Variants in PDE2A observed in about 807,000 individuals in gnomAD.
PDE2A encodes the protein cGMP-dependent 3',5'-cyclic phosphodiesterase.
In PDE2A, 53 loss-of-function variants were observed where a neutral mutation model predicts 133.6. The ratio of observed to expected loss-of-function variants is 0.40; its 90% CI spans 0.32 to 0.50. PDE2A has a LOEUF of 0.50. Ranked by LOEUF, PDE2A falls within the 20% of genes least tolerant of loss-of-function variation. PDE2A has a pLI of 0.73. For synonymous variants in PDE2A, 491 were observed against 490.2 expected, an observed-to-expected ratio of 1.00 and a Z score of -0.02; for missense variants, 796 against 1,232.4, an observed-to-expected ratio of 0.65 and a Z score of 5.30.
At chr11:72,661,500 T>C (rs1228992314) in intron 1 of PDE2A, among the ~76,000 whole-genome samples, 2 of 152,026 alleles carry the variant, frequency 1.3e-5, no homozygotes, top group African/African-American at 4.8e-5. Context: ...ATCCCAAAAC[T>C]TGACAGAAAC....
intron 2 of PDE2A, among the ~76,000 whole-genome samples, chr11:72,615,901 G>C (rs951967489): frequency 5.3e-5 from 8 of 152,192 alleles, no homozygotes; most frequent in African/African-American, 1.4e-4. Context: ...CCCCAAGGGT[G>C]TGCAAGCAAG....
intron 12 of PDE2A, 21 bp from the exon 13 acceptor site, chr11:72,588,935 A>G (rs1417495921): frequency 6.3e-7 from 1 of 1,590,108 alleles, no homozygotes; most frequent in Non-Finnish European, 8.6e-7. Context: ...GAGGCAAGTC[A>G]GGGCAGGGAA....
chr11:72,585,297 G>A (rs75861523), intron 16 of PDE2A, 74 bp downstream of exon 16: 15,718 of 1,231,558 alleles, frequency 0.013, 128 homozygotes, highest in Middle Eastern at 0.036. Context: ...GGAAGTGGGT[G>A]GGGCAGGAAA....
chr11:72,608,581 G>C (rs1857068871), intron 3 of PDE2A, 81 bp downstream of exon 3: 1 of 734,122 alleles, frequency 1.4e-6, no homozygotes, highest in African/African-American at 1.7e-5. Context: ...TTCCTCCTTG[G>C]CCCTGAGTGA....
chr11:72,648,818 T>C (rs1291968822), intron 1 of PDE2A, among the ~76,000 whole-genome samples: 8 of 152,092 alleles, frequency 5.3e-5, no homozygotes, highest in Non-Finnish European at 7.4e-5. Flanking sequence ...CTATGCACAA[T>C]TGGAGTCTTT....
chr11:72,595,677 C>T (rs1856447318), intron 6 of PDE2A, among the ~76,000 whole-genome samples: 1 of 152,098 alleles, frequency 6.6e-6, no homozygotes, highest in African/African-American at 2.4e-5. Flanking sequence ...TCTGTCCATG[C>T]CCCCAAGCCT....
intron 2 of PDE2A, among the ~76,000 whole-genome samples, chr11:72,632,776 C>T (rs1377536021): frequency 2.0e-5 from 3 of 152,106 alleles, no homozygotes; most frequent in Non-Finnish European, 4.4e-5. Flanking sequence ...CAGCTCCCCC[C>T]TCACACCTCC....
At chr11:72,660,902 A>AGGAGGGAACTGGG (rs1208977248) in intron 1 of PDE2A, among the ~76,000 whole-genome samples, 1 of 152,008 alleles carries the variant, frequency 6.6e-6, no homozygotes, top group Non-Finnish European at 1.5e-5. Flanking sequence ...AGCTCTGGGA[A>AGGAGGGAACTGGG]GGAGGGAACT....
chr11:72,602,859 G>T (rs571621981), intron 4 of PDE2A, among the ~76,000 whole-genome samples: 1 of 152,282 alleles, frequency 6.6e-6, no homozygotes, highest in South Asian at 2.1e-4. Flanking sequence ...ATACACCTGG[G>T]TCTCAAGTCC....
intron 2 of PDE2A, among the ~76,000 whole-genome samples, chr11:72,629,826 T>C (rs1858280528): frequency 6.6e-6 from 1 of 152,052 alleles, no homozygotes; most frequent in South Asian, 2.1e-4. Context: ...TCCCCAAATG[T>C]GAAATAGGAA....
rs757704789 is a variant in PDE2A, at chr11:72,578,907, C to T, written c.2459G>A (p.Arg820Lys). 2 of 1,610,140 alleles carry T rather than the reference C, an allele frequency of 1.2e-6. No individual in the cohort carries two copies. Among genetic ancestry groups the T allele is most frequent in the South Asian group, 2.2e-5 (2 of 90,946 alleles). ...SDQTKGWKTT[R>K]KIAELIYKEF... ...GAGGACTACACCTACCGCGATCTTT[C>T]TCGTAGTCTTCCAGCCCTTGGTCTG... Residue 820 changes from arginine (R) to lysine (K), a missense_variant, in exon 28 of 31, where the codon AGA becomes AAA. Arg to Lys is a conservative substitution (Grantham distance 26). This residue lies in a region of PDE2A where 28 missense variants were observed against 86.0 expected (regional missense o/e 0.33). Transcript: ENST00000334456. This position sits in a 1 kb window ranked among gnomAD's most constrained non-coding sequence, Gnocchi z 4.2.
intron 2 of PDE2A, chr11:72,630,983 C>A: frequency 2.0e-6 from 2 of 1,005,834 alleles, no homozygotes; most frequent in Non-Finnish European, 3.0e-6. Context: ...CCAGCCTCCC[C>A]GTCCTCCCAA....
At chr11:72,608,853 C>G in intron 2 of PDE2A, 102 bp from the exon 3 acceptor site, 1 of 674,528 alleles carries the variant, frequency 1.5e-6, no homozygotes, top group Non-Finnish European at 2.7e-6. Context: ...TAGTCCAGAG[C>G]CCGAGTCTTT....
chr11:72,667,239 T>C (rs1055251064), intron 1 of PDE2A, among the ~76,000 whole-genome samples: 2 of 152,108 alleles, frequency 1.3e-5, no homozygotes, highest in East Asian at 3.9e-4. Flanking sequence ...AAGCTCACAT[T>C]CAGGTACACA....
intron 1 of PDE2A, among the ~76,000 whole-genome samples, chr11:72,672,717 C>T (rs937521981): frequency 2.7e-5 from 4 of 148,850 alleles, no homozygotes. Context: ...GTTAGCATGA[C>T]GTTGATCTCT....
rs80260789 is a variant in PDE2A, at chr11:72,582,121, A to T, written c.1852-174T>A. 9.6e-6 allele frequency: 6 copies of T among 627,988 alleles called. No homozygotes were observed. In the East Asian group the frequency reaches 1.6e-4, roughly 17 times the overall value. 38.9% of individuals were successfully genotyped at this position (627,988 alleles called of 1,614,324 possible). A position where few individuals can be genotyped will look rare whatever the true frequency, so the allele number is the denominator to read the frequency against. Reference sequence around the variant, plus strand: ...TTCTCGGAGCTATGCATTTTTAGAGATCTAAGAACTAAGAACTCTTGAAAC... The same window carrying T: ...TTCTCGGAGCTATGCATTTTTAGAGTTCTAAGAACTAAGAACTCTTGAAAC... On this transcript the variant is annotated intron_variant, in intron 21 of 30. Coordinates refer to ENST00000334456, the MANE Select transcript of PDE2A (RefSeq NM_002599.5).
intron 2 of PDE2A, among the ~76,000 whole-genome samples, chr11:72,627,025 C>T (rs1017342536): frequency 2.6e-5 from 4 of 152,186 alleles, no homozygotes; most frequent in Non-Finnish European, 5.9e-5. Flanking sequence ...CTGGCTTCTT[C>T]GGTTGGTGCC....
At chr11:72,617,264 G>A (rs1181832113) in intron 2 of PDE2A, among the ~76,000 whole-genome samples, 1 of 152,242 alleles carries the variant, frequency 6.6e-6, no homozygotes, top group East Asian at 1.9e-4. Context: ...TAGGGTTAGT[G>A]TGGGCCTGCA....
intron 2 of PDE2A, among the ~76,000 whole-genome samples, chr11:72,628,131 G>T (rs574164034): frequency 6.6e-6 from 1 of 152,320 alleles, no homozygotes; most frequent in East Asian, 1.9e-4. Context: ...AGAGCATCCT[G>T]TCTCACAGGG....
Sources: allele counts gnomAD v4.1 joint callset (sites outside exome capture counted in the v4.1 genomes callset), GRCh38; gene constraint gnomAD v4.1.1; regional missense constraint gnomAD v4.1.1; non-coding constraint Gnocchi (gnomAD v3.1); transcripts MANE v1.5; gene names NCBI Gene and HGNC (gene_info 2026-07-23, HGNC 2026-07-21).